Variants in PDE10A observed in about 807,000 individuals in gnomAD.
PDE10A encodes cAMP and cAMP-inhibited cGMP 3',5'-cyclic phosphodiesterase 10A.
Under a neutral mutation model 97.7 loss-of-function variants are expected in PDE10A, and 39 were observed. That is an observed-to-expected ratio of 0.40 (90% CI 0.31 to 0.52). The LOEUF is 0.52. PDE10A is among the 20% of genes least tolerant of loss of function. The pLI is 0.56. For missense variants in PDE10A, 731 were observed against 1,047.8 expected, an observed-to-expected ratio of 0.70 and a Z score of 4.17; for synonymous variants, 371 against 376.8, an observed-to-expected ratio of 0.98 and a Z score of 0.18.
intron 3 of PDE10A, among the ~76,000 whole-genome samples, chr6:165,468,932 T>G (rs1448667003): frequency 6.6e-6 from 1 of 152,250 alleles, no homozygotes; most frequent in East Asian, 1.9e-4. Context: ...GCTCCTCTGT[T>G]GCAGCAGTTT....
chr6:165,735,061 T>C (rs1185141841), intron 1 of PDE10A, among the ~76,000 whole-genome samples: 1 of 150,206 alleles, frequency 6.7e-6, no homozygotes, highest in Non-Finnish European at 1.5e-5. Flanking sequence ...GGTAGACAGA[T>C]AGGTAGGTAG....
chr6:165,770,414 C>T (rs1284891069), intron 1 of PDE10A, among the ~76,000 whole-genome samples: 4 of 152,144 alleles, frequency 2.6e-5, no homozygotes, highest in African/African-American at 9.7e-5. Context: ...GACTTCCAAC[C>T]TCCATATCCA....
At chr6:165,861,077 T>G (rs1472594840) in intron 1 of PDE10A, among the ~76,000 whole-genome samples, 1 of 152,196 alleles carries the variant, frequency 6.6e-6, no homozygotes, top group Non-Finnish European at 1.5e-5. Flanking sequence ...GGAATACATC[T>G]AACAGGGCTT....
intron 2 of PDE10A, among the ~76,000 whole-genome samples, chr6:165,488,085 T>C (rs1004848567): frequency 7.2e-6 from 1 of 139,856 alleles, no homozygotes; most frequent in African/African-American, 2.6e-5. Context: ...TTATGCAGCA[T>C]AGGATTTTTA....
chr6:165,598,974 G>A (rs1253416485), intron 1 of PDE10A, among the ~76,000 whole-genome samples: 2 of 152,096 alleles, frequency 1.3e-5, no homozygotes, highest in Non-Finnish European at 2.9e-5. Context: ...TACGCAGACT[G>A]CCTCTCCAGT....
chr6:165,435,097 C>T (rs370821812), intron 6 of PDE10A, 140 bp downstream of exon 6: 19 of 785,598 alleles, frequency 2.4e-5, no homozygotes, highest in Non-Finnish European at 2.8e-5. Flanking sequence ...TTAACTTACA[C>T]ATTAATATAT....
intron 1 of PDE10A, among the ~76,000 whole-genome samples, chr6:165,851,422 A>G (rs938849087): frequency 6.6e-6 from 1 of 152,236 alleles, no homozygotes; most frequent in Admixed American, 6.5e-5. Flanking sequence ...TATATTTTAC[A>G]ACTGGGCATC....
chr6:165,626,413 A>T (rs1486065075), intron 1 of PDE10A, among the ~76,000 whole-genome samples: 1 of 152,252 alleles, frequency 6.6e-6, no homozygotes, highest in Non-Finnish European at 1.5e-5. Flanking sequence ...AAAACTTTTA[A>T]ATAAATCTTC....
At chr6:165,601,767 T>A (rs1030493817) in intron 1 of PDE10A, among the ~76,000 whole-genome samples, 2 of 152,076 alleles carry the variant, frequency 1.3e-5, no homozygotes, top group African/African-American at 4.8e-5. Context: ...ATCATTAGGG[T>A]CCCTCATACA....
At chr6:165,958,561 GAAAGACAGACAGAAAGAAAGACAGAAAGA>G (rs1784234620) in intron 1 of PDE10A, among the ~76,000 whole-genome samples, 1 of 13,296 alleles carries the variant, frequency 7.5e-5, no homozygotes, top group Non-Finnish European at 1.6e-4. Flanking sequence ...AAGAAAGAAA[GAAAGACAGACAGAAAGAAAGACAGAAAGA>G]GAGAAAGAAA....
chr6:165,545,337 A>G, intron 1 of PDE10A: 1 of 371,320 alleles, frequency 2.7e-6, no homozygotes, highest in East Asian at 7.9e-5. Context: ...TCAAAACTAT[A>G]TGAGTTATCT....
chr6:165,827,005 A>G (rs928104726), intron 1 of PDE10A, among the ~76,000 whole-genome samples: 5 of 152,218 alleles, frequency 3.3e-5, no homozygotes, highest in African/African-American at 1.2e-4. Flanking sequence ...GGTAAGGGCC[A>G]ATAACTTGCC....
At chr6:165,958,768 G>GT (rs1784270391) in intron 1 of PDE10A, among the ~76,000 whole-genome samples, 1 of 102,904 alleles carries the variant, frequency 9.7e-6, no homozygotes, top group Non-Finnish European at 2.1e-5. Flanking sequence ...AAAGAAAGAA[G>GT]AAAGCAAGCC....
Position 165,388,545 on chromosome 6 carries a change from G to A in PDE10A, c.2455-92C>T. 1 of 1,136,236 alleles carries A rather than the reference G, an allele frequency of 8.8e-7. No homozygotes were observed. The highest frequency in any genetic ancestry group is 1.3e-6 in the Non-Finnish European group (1 of 762,922). 70.4% of individuals were successfully genotyped at this position (1,136,236 alleles called of 1,614,324 possible). On this transcript the variant is annotated intron_variant, in intron 16 of 21. Coordinates refer to ENST00000539869, the MANE Select transcript of PDE10A (RefSeq NM_001385079.1). This position sits in a 1 kb window ranked among gnomAD's most constrained non-coding sequence, Gnocchi z 4.0. ...TACATTCATGTCACATTACTTTCTG[G>A]CATTAATATAGCACAAATACAGCAT...
chr6:165,523,185 C>T (rs1418219474), intron 2 of PDE10A, among the ~76,000 whole-genome samples: 1 of 152,092 alleles, frequency 6.6e-6, no homozygotes, highest in African/African-American at 2.4e-5. Flanking sequence ...ATTAAAATGG[C>T]CTTATCACCC....
At position 165,867,767 on chromosome 6, in the gene PDE10A, T is replaced by C. The variant is rs931858562; in HGVS notation, c.-615+119762A>G. 1.6e-4 allele frequency among the ~76,000 whole-genome samples: 25 copies of C among 152,192 alleles called. 1 individual carries two copies. Among genetic ancestry groups the C allele is most frequent in the Middle Eastern group, 6.8e-3 (2 of 294 alleles). On this transcript the variant is annotated intron_variant, in intron 1 of 19. Coordinates refer to the PDE10A transcript ENST00000366882. ...ATAGAACATTCTCCAGGACAGACCA[T>C]ATGTTAGGCTGTAATACAAGTCTCA... is the stretch of plus-strand genomic sequence containing the variant.
At chr6:165,424,777 TA>T (rs1788996089) in intron 10 of PDE10A, among the ~76,000 whole-genome samples, 1 of 152,166 alleles carries the variant, frequency 6.6e-6, no homozygotes, top group Admixed American at 6.5e-5. Flanking sequence ...ACCAGGAATG[TA>T]AGAGTGGTTC....
intron 2 of PDE10A, among the ~76,000 whole-genome samples, 188 bp downstream of exon 2, chr6:165,543,252 C>T (rs77649699): frequency 0.014 from 2,191 of 152,154 alleles, 49 homozygotes; most frequent in African/African-American, 0.05. Flanking sequence ...TAATTAGTCA[C>T]GGATCTTTCT....
chr6:165,643,816 T>C (rs1211058135), intron 1 of PDE10A, among the ~76,000 whole-genome samples: 1 of 152,078 alleles, frequency 6.6e-6, no homozygotes, highest in African/African-American at 2.4e-5. Context: ...TCTTATACAT[T>C]TAGAAATTGT....
Sources: gnomAD v4.1 joint callset for allele counts (sites outside exome capture counted in the v4.1 genomes callset) on GRCh38, gnomAD v4.1.1 for gene constraint, Gnocchi (gnomAD v3.1) non-coding constraint, MANE v1.5 for transcripts, NCBI Gene and HGNC (gene_info 2026-07-23, HGNC 2026-07-21) for gene names.